POU2F3: variants seen among roughly 807,000 people sequenced by gnomAD.
POU2F3 encodes the protein POU domain, class 2, transcription factor 3.
A neutral mutation model predicts 59.2 loss-of-function variants in POU2F3; 23 were observed. The observed-to-expected ratio is 0.39, with a 90% confidence interval of 0.28 to 0.55. The LOEUF (loss-of-function observed/expected upper bound fraction) is 0.55. POU2F3 is among the 20% of genes least tolerant of loss of function. The pLI is 0.66. For synonymous variants in POU2F3, 190 were observed against 214.6 expected, an observed-to-expected ratio of 0.89 and a Z score of 1.00; for missense variants, 473 against 544.5, an observed-to-expected ratio of 0.87 and a Z score of 1.31.
At chr11:120,295,367 T>A (rs1941166006) in intron 3 of POU2F3, among the ~76,000 whole-genome samples, 1 of 152,218 alleles carries the variant, frequency 6.6e-6, no homozygotes, top group Non-Finnish European at 1.5e-5. Context: ...TGCCAGAGGC[T>A]GTTCTACCAG....
chr11:120,305,487 C>T (rs1388163135), intron 7 of POU2F3, 157 bp from the exon 8 acceptor site: 1 of 1,202,926 alleles, frequency 8.3e-7, no homozygotes, highest in African/African-American at 1.5e-5. Context: ...ACCGATTCTT[C>T]ACCTTAGAGG....
chr11:120,300,975 T>G, intron 5 of POU2F3: 1 of 453,594 alleles, frequency 2.2e-6, no homozygotes, highest in South Asian at 1.6e-5. Flanking sequence ...AGTGTTTATT[T>G]TGGTTAAAAA....
rs555907041 is a variant in POU2F3 at position 120,319,319 on chromosome 11, T to G, written c.*927T>G. On this transcript the variant is annotated 3_prime_UTR_variant, in exon 13 of 13. Transcript: ENST00000543440. Reference sequence around the variant, plus strand: ...TCCAGCAAAATGTTTAACTCAGGTGTGATTTTTGAAAATGTCTCTGTAATA... The same window carrying G: ...TCCAGCAAAATGTTTAACTCAGGTGGGATTTTTGAAAATGTCTCTGTAATA... 6.6e-6 allele frequency: 1 copy of G among 152,548 alleles called. No homozygotes were observed. The highest frequency in any genetic ancestry group is 2.4e-5 in the African/African-American group (1 of 41,480). 9.4% of individuals were successfully genotyped at this position (152,548 alleles called of 1,614,324 possible).
upstream of POU2F3, among the ~76,000 whole-genome samples, chr11:120,238,649 C>T (rs1047010221): frequency 7.9e-5 from 12 of 151,760 alleles, no homozygotes; most frequent in Non-Finnish European, 8.8e-5. Flanking sequence ...ATCCTGGCAA[C>T]GTGGTGAAAC....
intron 2 of POU2F3, chr11:120,250,464 G>A (rs1025817899): frequency 1.3e-5 from 2 of 152,328 alleles, no homozygotes; most frequent in African/African-American, 4.8e-5. Context: ...CATGCATTTG[G>A]CCTTTACAAC....
chr11:120,238,827 T>TAAA (rs56948018), upstream of POU2F3, among the ~76,000 whole-genome samples: 316 of 48,358 alleles, frequency 6.5e-3, 10 homozygotes, highest in African/African-American at 0.024. Flanking sequence ...AGACTCTGTC[T>TAAA]AAAAAAAAAA....
intron 3 of POU2F3, among the ~76,000 whole-genome samples, chr11:120,284,883 C>T (rs1018844826): frequency 1.3e-5 from 2 of 152,348 alleles, no homozygotes; most frequent in Middle Eastern, 3.4e-3. Context: ...AGCCCCGCTG[C>T]TCTGACACAA....
chr11:120,252,442 A>G (rs1939147964), intron 2 of POU2F3, among the ~76,000 whole-genome samples: 1 of 151,066 alleles, frequency 6.6e-6, no homozygotes, highest in South Asian at 2.1e-4. Context: ...TCCTGACCTC[A>G]AGTGATTTGC....
intron 2 of POU2F3, among the ~76,000 whole-genome samples, chr11:120,255,509 G>A (rs529685895): frequency 6.6e-6 from 1 of 152,110 alleles, no homozygotes; most frequent in African/African-American, 2.4e-5. Context: ...GGGGTGGGGA[G>A]GGGGAGAGGT....
At chr11:120,313,942 A>C (rs561163281) in intron 10 of POU2F3, among the ~76,000 whole-genome samples, 37 of 152,340 alleles carry the variant, frequency 2.4e-4, no homozygotes, top group African/African-American at 8.2e-4. Flanking sequence ...TGAACCCAGG[A>C]GGCAGAGGTT....
chr11:120,238,030 C>T (rs1411941779), upstream of POU2F3, among the ~76,000 whole-genome samples: 2 of 152,062 alleles, frequency 1.3e-5, no homozygotes, highest in African/African-American at 4.8e-5. Flanking sequence ...CACCTGAGGT[C>T]AGGAGTTTGA....
At chr11:120,246,364 A>C in intron 1 of POU2F3, 85 bp from the exon 2 acceptor site, 1 of 1,304,962 alleles carries the variant, frequency 7.7e-7, no homozygotes, top group Non-Finnish European at 1.1e-6. Flanking sequence ...TTACACATTC[A>C]TCTTTGTTAT....
chr11:120,238,967 A>T (rs1388031208), upstream of POU2F3, among the ~76,000 whole-genome samples: 1 of 152,120 alleles, frequency 6.6e-6, no homozygotes, highest in African/African-American at 2.4e-5. Context: ...GGCACGAAAG[A>T]TGCCTTTCAA....
rs370431541 is a variant in POU2F3, at chr11:120,305,149, C to T, written c.564C>T (p.Leu188=). The T allele has an allele frequency of 6.8e-6, 11 of 1,613,556 alleles. No individual in the cohort carries two copies. The highest frequency in any genetic ancestry group is 4.0e-5 in the African/African-American group (3 of 74,730). Residue 188 remains leucine (L), a synonymous_variant, in exon 7 of 13, where the codon CTC becomes CTT. Transcript: ENST00000543440. The stretch of plus-strand genomic sequence containing the variant: ...GAGGGGCCGATGAGCCCAGTGACCT[C>T]GAGGAGCTGGAGAAGTTTGCCAAGA... The part of the protein sequence containing the change: ...SSGGADEPSD[L]EELEKFAKTF...
intron 2 of POU2F3, among the ~76,000 whole-genome samples, chr11:120,251,200 C>G (rs1157291490): frequency 6.6e-6 from 1 of 152,166 alleles, no homozygotes; most frequent in African/African-American, 2.4e-5. Context: ...TCTTGAACTC[C>G]TGGCCTGAAG....
At chr11:120,283,645 C>T (rs1398176404) in intron 3 of POU2F3, among the ~76,000 whole-genome samples, 1 of 152,128 alleles carries the variant, frequency 6.6e-6, no homozygotes, top group African/African-American at 2.4e-5. Flanking sequence ...CCTGCCCCCA[C>T]CCACTCCCTT....
chr11:120,248,864 C>T (rs1349988091), intron 2 of POU2F3, among the ~76,000 whole-genome samples: 2 of 152,162 alleles, frequency 1.3e-5, no homozygotes, highest in African/African-American at 4.8e-5. Context: ...TTAATGGCTT[C>T]CTTTGGATTT....
chr11:120,283,197 C>T (rs1023957833), intron 3 of POU2F3, among the ~76,000 whole-genome samples: 2 of 152,228 alleles, frequency 1.3e-5, no homozygotes, highest in Non-Finnish European at 2.9e-5. Flanking sequence ...CCAGAACCAA[C>T]TTCCTTTCTG....
At chr11:120,267,108 C>T (rs1939857202) in intron 2 of POU2F3, among the ~76,000 whole-genome samples, 1 of 151,976 alleles carries the variant, frequency 6.6e-6, no homozygotes, top group South Asian at 2.1e-4. Context: ...GGGTCCTTCC[C>T]GTCTTTAGCT....
Sources: allele counts gnomAD v4.1 joint callset (sites outside exome capture counted in the v4.1 genomes callset), GRCh38; gene constraint gnomAD v4.1.1; transcripts MANE v1.5; gene names NCBI Gene and HGNC (gene_info 2026-07-23, HGNC 2026-07-21).